Variants in AMPH observed in about 807,000 individuals in gnomAD.
AMPH encodes amphiphysin, also known as amphiphysin (Stiff-Mann syndrome with breast cancer 128kD autoantigen).
A neutral mutation model predicts 99.1 loss-of-function variants in AMPH; 49 were observed. The ratio of observed to expected loss-of-function variants is 0.49; its 90% CI spans 0.39 to 0.63. AMPH has a LOEUF of 0.63. Among genes scored for constraint, AMPH ranks in the 20% least tolerant of loss-of-function variants. The pLI is 0.00. For missense variants in AMPH, 759 were observed against 863.4 expected (o/e 0.88, Z 1.52); for synonymous variants, 314 against 317.3 (o/e 0.99, Z 0.11).
At chr7:38,522,029 A>G (rs1165650033) in intron 2 of AMPH, among the ~76,000 whole-genome samples, 4 of 152,194 alleles carry the variant, frequency 2.6e-5, no homozygotes, top group Non-Finnish European at 4.4e-5. Context: ...AGGTAGAGTA[A>G]CACTGGTTAC....
chr7:38,552,336 G>A (rs140009610), intron 1 of AMPH, among the ~76,000 whole-genome samples: 1 of 152,202 alleles, frequency 6.6e-6, no homozygotes, highest in Non-Finnish European at 1.5e-5. Context: ...TGATGCAGGA[G>A]GTCTGCACAG....
chr7:38,506,604 T>C (rs1789334210), intron 2 of AMPH, among the ~76,000 whole-genome samples: 1 of 152,166 alleles, frequency 6.6e-6, no homozygotes, highest in Non-Finnish European at 1.5e-5. Context: ...CTTGAATCCA[T>C]TAAGGCCACA....
rs1398733967 is a variant in AMPH at position 38,617,414 on chromosome 7, C to T, written c.69+13869G>A. ...ATTACCTTAAGAAATTTTGTTATCC[C>T]TTAAATAACAGATCAAAATAATTAT... is the stretch of plus-strand genomic sequence containing the variant. On this transcript the variant is annotated intron_variant, in intron 1 of 20. Coordinates refer to ENST00000356264, the MANE Select transcript of AMPH (RefSeq NM_001635.4). Among the ~76,000 whole-genome samples, 15 of 152,228 alleles carry T rather than the reference C, an allele frequency of 9.9e-5. 1 individual carries two copies. Among genetic ancestry groups the T allele is most frequent in the Non-Finnish European group, 1.3e-4 (9 of 68,040 alleles).
rs761017225 is a variant in AMPH at position 38,402,955 on chromosome 7, G to C, written c.1399-8741C>G. Among the ~76,000 whole-genome samples, 15 of 152,124 alleles carry C rather than the reference G, an allele frequency of 9.9e-5. 1 individual carries two copies. Among genetic ancestry groups the C allele is most frequent in the Admixed American group, 4.6e-4 (7 of 15,278 alleles). ...TAATAGTGAATCTGATTTTTTGAGTGATTTTTAAGTGTTTTCAGCTTTCTC... is the reference window on the plus strand; with the variant it reads ...TAATAGTGAATCTGATTTTTTGAGTCATTTTTAAGTGTTTTCAGCTTTCTC... On this transcript the variant is annotated intron_variant, in intron 17 of 20. Transcript: ENST00000356264.
chr7:38,447,835 T>C (rs972162715), intron 11 of AMPH, among the ~76,000 whole-genome samples: 6 of 152,046 alleles, frequency 3.9e-5, no homozygotes, highest in African/African-American at 1.4e-4. Flanking sequence ...CAGATTACCA[T>C]GAGGGCATAG....
At chr7:38,393,407 C>T (rs1208889783) in intron 18 of AMPH, among the ~76,000 whole-genome samples, 5 of 152,146 alleles carry the variant, frequency 3.3e-5, no homozygotes, top group African/African-American at 7.2e-5. Context: ...TGGAGGCCCT[C>T]GCAGTGGTAG....
At chr7:38,617,090 T>A (rs555410370) in intron 1 of AMPH, among the ~76,000 whole-genome samples, 26 of 152,382 alleles carry the variant, frequency 1.7e-4, no homozygotes, top group African/African-American at 4.8e-4. Context: ...TGCTACTTAC[T>A]ACATGTATTT....
chr7:38,602,719 T>C (rs1263639042), intron 1 of AMPH, among the ~76,000 whole-genome samples: 1 of 152,208 alleles, frequency 6.6e-6, no homozygotes, highest in Non-Finnish European at 1.5e-5. Flanking sequence ...AATCAGGATG[T>C]AGACATCTTT....
At chr7:38,628,712 G>C (rs1402957606) in intron 1 of AMPH, among the ~76,000 whole-genome samples, 1 of 152,160 alleles carries the variant, frequency 6.6e-6, no homozygotes, top group African/African-American at 2.4e-5. Context: ...TCAAATGGTA[G>C]TAAAATTTCC....
chr7:38,393,523 T>A (rs1214230914), intron 18 of AMPH, among the ~76,000 whole-genome samples: 1 of 152,118 alleles, frequency 6.6e-6, no homozygotes, highest in African/African-American at 2.4e-5. Context: ...TTGTTTCCCT[T>A]CTCAAAGTGC....
intron 2 of AMPH, among the ~76,000 whole-genome samples, chr7:38,509,064 G>A (rs576024357): frequency 3.9e-4 from 59 of 152,274 alleles, no homozygotes; most frequent in African/African-American, 1.3e-3. Context: ...AGCGCCCAGG[G>A]TCTCTGAAAT....
chr7:38,612,113 T>A (rs1216586286), intron 1 of AMPH, among the ~76,000 whole-genome samples: 2 of 108,134 alleles, frequency 1.8e-5, no homozygotes, highest in African/African-American at 7.2e-5. Flanking sequence ...TTTTTTGAGA[T>A]GGAGTTTTGC....
At chr7:38,628,792 T>C (rs912004815) in intron 1 of AMPH, among the ~76,000 whole-genome samples, 2 of 152,242 alleles carry the variant, frequency 1.3e-5, no homozygotes, top group African/African-American at 4.8e-5. Flanking sequence ...TTCAGCCTTG[T>C]GGTTTTTTTC....
At chr7:38,420,809 T>C (rs1785556364) in intron 16 of AMPH, 1 of 349,862 alleles carries the variant, frequency 2.9e-6, no homozygotes, top group African/African-American at 2.1e-5. Flanking sequence ...CGAGCAAGAG[T>C]TACTGATTCA....
chr7:38,510,718 C>A (rs1371136717), intron 2 of AMPH, among the ~76,000 whole-genome samples: 2 of 152,164 alleles, frequency 1.3e-5, no homozygotes. Flanking sequence ...ACCAGCTTGA[C>A]CCCTGCTCTC....
chr7:38,536,556 C>G (rs67469341), intron 1 of AMPH, among the ~76,000 whole-genome samples: 6,837 of 152,192 alleles, frequency 0.045, 204 homozygotes, highest in African/African-American at 0.084. Flanking sequence ...AGTATTTCTT[C>G]CTTTTCACTG....
At chr7:38,487,617 A>C (rs972726731) in intron 5 of AMPH, among the ~76,000 whole-genome samples, 5 of 152,136 alleles carry the variant, frequency 3.3e-5, no homozygotes, top group Non-Finnish European at 1.5e-5. Context: ...GCATGGGCAA[A>C]GACTGCACGA....
At chr7:38,449,220 C>T (rs1664359631) in intron 11 of AMPH, among the ~76,000 whole-genome samples, 1 of 152,162 alleles carries the variant, frequency 6.6e-6, no homozygotes, top group Admixed American at 6.5e-5. Flanking sequence ...ATCCTGGATA[C>T]TAAGGATAGA....
intron 1 of AMPH, among the ~76,000 whole-genome samples, chr7:38,550,727 A>G (rs1791151800): frequency 6.6e-6 from 1 of 152,106 alleles, no homozygotes; most frequent in East Asian, 1.9e-4. Flanking sequence ...TCCAATGTCT[A>G]TTTAAGCAGA....
Sources: gnomAD v4.1 joint callset for allele counts (sites outside exome capture counted in the v4.1 genomes callset) on GRCh38, gnomAD v4.1.1 for gene constraint, MANE v1.5 for transcripts, NCBI Gene and HGNC (gene_info 2026-07-23, HGNC 2026-07-21) for gene names.